RUNX1T1: variants seen among roughly 807,000 people sequenced by gnomAD.
RUNX1T1 encodes protein CBFA2T1.
Under a neutral mutation model 62.8 loss-of-function variants are expected in RUNX1T1, and 4 were observed. The ratio of observed to expected loss-of-function variants is 0.06; its 90% CI spans 0.03 to 0.15. The LOEUF is 0.15. Among genes scored for constraint, RUNX1T1 ranks in the 10% least tolerant of loss-of-function variants. The pLI, the probability that RUNX1T1 is intolerant of heterozygous loss-of-function variation, is 1.00. For synonymous variants in RUNX1T1, 291 were observed against 286.0 expected (o/e 1.02, Z -0.18); for missense variants, 508 against 754.3 (o/e 0.67, Z 3.82).
chr8:91,955,047 C>T (rs1452703969), downstream of RUNX1T1: 2 of 207,590 alleles, frequency 9.6e-6, no homozygotes, highest in East Asian at 7.3e-5. Context: ...CTCCTTTGCT[C>T]ATTTCTTCCC....
At chr8:92,030,689 C>T (rs1826058166) in intron 1 of RUNX1T1, among the ~76,000 whole-genome samples, 1 of 152,168 alleles carries the variant, frequency 6.6e-6, no homozygotes, top group Non-Finnish European at 1.5e-5. Flanking sequence ...CTTTATCTTA[C>T]CTGTCCTCTG....
intron 1 of RUNX1T1, among the ~76,000 whole-genome samples, chr8:92,053,492 G>A (rs1052445033): frequency 6.6e-6 from 1 of 152,054 alleles, no homozygotes; most frequent in Admixed American, 6.6e-5. Flanking sequence ...TAGTAATTAT[G>A]CCAGAAAGTT....
intron 5 of RUNX1T1, among the ~76,000 whole-genome samples, chr8:92,000,072 G>A (rs893075624): frequency 1.9e-4 from 29 of 152,196 alleles, no homozygotes; most frequent in East Asian, 9.7e-4. Flanking sequence ...TTGGGAGGCC[G>A]AGATGGGTGG....
At chr8:92,060,922 T>TGAGAGAGA (rs56103756) in intron 1 of RUNX1T1, among the ~76,000 whole-genome samples, 179 of 146,516 alleles carry the variant, frequency 1.2e-3, no homozygotes, top group African/African-American at 4.0e-3. Context: ...ACACAGTTGA[T>TGAGAGAGA]GAGAGAGAGA....
chr8:92,007,853 CT>C (rs1821082120), intron 4 of RUNX1T1, among the ~76,000 whole-genome samples: 1 of 151,370 alleles, frequency 6.6e-6, no homozygotes, highest in African/African-American at 2.4e-5. Flanking sequence ...CCTATAGTCC[CT>C]GCTATTGGGA....
At chr8:91,996,511 T>C (rs1818723972) in intron 5 of RUNX1T1, among the ~76,000 whole-genome samples, 1 of 152,204 alleles carries the variant, frequency 6.6e-6, no homozygotes, top group African/African-American at 2.4e-5. Context: ...TATTTGTTTT[T>C]TAAGTCTACC....
chr8:91,962,872 G>GT (rs1563606200), intron 10 of RUNX1T1, among the ~76,000 whole-genome samples: 1 of 152,176 alleles, frequency 6.6e-6, no homozygotes, highest in African/African-American at 2.4e-5. Context: ...AGTCCTATCC[G>GT]TTTTTTGGCA....
At chr8:92,082,059 G>A (rs1835359856) in intron 1 of RUNX1T1, among the ~76,000 whole-genome samples, 2 of 151,916 alleles carry the variant, frequency 1.3e-5, no homozygotes, top group South Asian at 4.2e-4. Flanking sequence ...CTAATTTTTT[G>A]TATTTTTAGT....
rs927247456 is a variant in RUNX1T1, at chr8:92,076,246, T to TAA, written c.-85-111_-85-110dup. On this transcript the variant is annotated intron_variant, in intron 1 of 11. Transcript: ENST00000265814. ...TAGGCCAGTTTTGTTATGTTTTGTT[T>TAA]AAAAAAAAAACAGATACAAGCTCTT... is the stretch of plus-strand genomic sequence containing the variant. The TAA allele has an allele frequency of 5.0e-5, 38 of 758,094 alleles. No homozygotes were observed. In the South Asian group the frequency reaches 1.0e-3, roughly 20 times the overall value. The allele number at this position is 758,094 out of a possible 1,614,324, so 47.0% of individuals were successfully genotyped here.
At chr8:92,062,686 A>G in exon 1 of RUNX1T1, 1 of 1,612,392 alleles carries the variant, frequency 6.2e-7, no homozygotes. Context: ...GCATCGCCGG[A>G]GGCAGGGTGC....
At chr8:92,049,782 C>T (rs1251738405) in intron 1 of RUNX1T1, among the ~76,000 whole-genome samples, 3 of 152,056 alleles carry the variant, frequency 2.0e-5, no homozygotes, top group Admixed American at 1.3e-4. Flanking sequence ...ACTCATAATC[C>T]CACAATCCTT....
At chr8:91,986,790 G>A in intron 7 of RUNX1T1, 97 bp downstream of exon 8, 1 of 780,518 alleles carries the variant, frequency 1.3e-6, no homozygotes, top group Non-Finnish European at 2.2e-6. Flanking sequence ...GAAAAACAAT[G>A]CCTTCAAAGG....
At chr8:92,031,965 C>T (rs1826315895) in intron 1 of RUNX1T1, among the ~76,000 whole-genome samples, 1 of 151,760 alleles carries the variant, frequency 6.6e-6, no homozygotes, top group Non-Finnish European at 1.5e-5. Flanking sequence ...ACGGGACTCA[C>T]ACCTGTAATC....
chr8:92,040,491 G>C (rs1157531314), intron 1 of RUNX1T1, among the ~76,000 whole-genome samples: 4 of 152,136 alleles, frequency 2.6e-5, no homozygotes, highest in Non-Finnish European at 5.9e-5. Flanking sequence ...GCAAACTGCT[G>C]TTAAGTCAAA....
intron 1 of RUNX1T1, among the ~76,000 whole-genome samples, chr8:92,061,054 C>G (rs1396205624): frequency 2.0e-5 from 3 of 152,140 alleles, no homozygotes; most frequent in Non-Finnish European, 4.4e-5. Flanking sequence ...TAGTTCAATG[C>G]TTTTTAAATA....
intron 5 of RUNX1T1, among the ~76,000 whole-genome samples, chr8:91,998,102 G>A (rs1819057952): frequency 6.6e-6 from 1 of 152,076 alleles, no homozygotes; most frequent in South Asian, 2.1e-4. Flanking sequence ...AATCAAGGGG[G>A]GGAAAATCAC....
At chr8:92,066,564 G>C (rs185501869), upstream of RUNX1T1, among the ~76,000 whole-genome samples, 2 of 152,226 alleles carry the variant, frequency 1.3e-5, no homozygotes, top group East Asian at 3.9e-4. Flanking sequence ...AAGGGAGATG[G>C]ACCTCTCTTT....
intron 9 of RUNX1T1, among the ~76,000 whole-genome samples, chr8:91,975,547 T>C (rs1813735814): frequency 6.8e-6 from 1 of 147,990 alleles, no homozygotes; most frequent in Non-Finnish European, 1.5e-5. Flanking sequence ...TCTAAGACAC[T>C]GGAATTTTTT....
intron 1 of RUNX1T1, among the ~76,000 whole-genome samples, chr8:92,094,463 A>G (rs1586019251): frequency 1.3e-5 from 2 of 152,358 alleles, no homozygotes; most frequent in East Asian, 3.9e-4. Flanking sequence ...TCCAAAATAC[A>G]AATCTACCTA....
Sources: allele counts gnomAD v4.1 joint callset (sites outside exome capture counted in the v4.1 genomes callset), GRCh38; gene constraint gnomAD v4.1.1; transcripts MANE v1.5; gene names NCBI Gene and HGNC (gene_info 2026-07-23, HGNC 2026-07-21).